The following ARHGAP17 variants were observed in gnomAD, a reference collection of about 807,000 sequenced individuals.
ARHGAP17 encodes the protein Rho GTPase activating protein 17.
In ARHGAP17, 57 loss-of-function variants were observed where a neutral mutation model predicts 99.5. That is an observed-to-expected ratio of 0.57 (90% CI 0.46 to 0.71). ARHGAP17 has a LOEUF of 0.71. Ranked by LOEUF, ARHGAP17 falls within the 30% of genes least tolerant of loss-of-function variation. The pLI is 0.00. For missense variants in ARHGAP17, 1,000 were observed against 1,122.4 expected, an observed-to-expected ratio of 0.89 and a Z score of 1.56; for synonymous variants, 417 against 429.6, an observed-to-expected ratio of 0.97 and a Z score of 0.36.
intron 1 of ARHGAP17, among the ~76,000 whole-genome samples, chr16:25,011,066 G>T (rs2053631573): frequency 6.6e-6 from 1 of 152,188 alleles, no homozygotes; most frequent in Admixed American, 6.5e-5. Flanking sequence ...CTTCATCCCA[G>T]TGTACTCCTT....
intron 14 of ARHGAP17, among the ~76,000 whole-genome samples, chr16:24,947,061 T>C (rs1279449762): frequency 2.6e-5 from 4 of 152,326 alleles, no homozygotes; most frequent in African/African-American, 9.6e-5. Flanking sequence ...CTGCTGGGCA[T>C]TAAAATGTAA....
chr16:24,979,820 C>T (rs1174681056), intron 1 of ARHGAP17, among the ~76,000 whole-genome samples: 1 of 152,114 alleles, frequency 6.6e-6, no homozygotes, highest in Non-Finnish European at 1.5e-5. Flanking sequence ...AAGCGATTCT[C>T]GTGCCTTAGC....
chr16:24,983,179 A>G (rs1284676001), intron 1 of ARHGAP17, among the ~76,000 whole-genome samples: 1 of 150,462 alleles, frequency 6.6e-6, no homozygotes, highest in Non-Finnish European at 1.5e-5. Flanking sequence ...TAATTTTTCT[A>G]TTTTTAGTAG....
chr16:25,000,859 G>A (rs2053342422), intron 1 of ARHGAP17, among the ~76,000 whole-genome samples: 1 of 152,208 alleles, frequency 6.6e-6, no homozygotes, highest in Admixed American at 6.5e-5. Flanking sequence ...AAGATCACCT[G>A]CCAACCTCAT....
chr16:24,951,042 T>C (rs1383848728), intron 12 of ARHGAP17, among the ~76,000 whole-genome samples: 7 of 151,732 alleles, frequency 4.6e-5, no homozygotes, highest in Non-Finnish European at 7.4e-5. Flanking sequence ...CTTCCCTTAG[T>C]GGTGAGGAGT....
At chr16:24,949,354 G>T in intron 13 of ARHGAP17, 50 bp downstream of exon 13, 1 of 1,429,696 alleles carries the variant, frequency 7.0e-7, no homozygotes, top group Non-Finnish European at 9.7e-7. Context: ...TCTCTGCTGG[G>T]CATTAAACTT....
chr16:24,931,039 G>T lies in ARHGAP17; in HGVS notation c.2260C>A (p.Pro754Thr). ...EHGLEQPSHT[P>T]PQTPTPPSTP... ...CTGGGGGGCGTTGGAGTCTGGGGAG[G>T]GGTGTGAGATGGCTGCTCAAGTCCA... The change falls in exon 19 of 20, where the codon CCT becomes ACT. Residue 754 changes from proline to threonine, a missense_variant. Pro to Thr is a conservative substitution (Grantham distance 38, BLOSUM62 -1). Around this residue, in one of 2 missense-constraint regions of ARHGAP17, gnomAD observed 528 missense variants for 511.4 expected, o/e 1.03. Coordinates refer to ENST00000289968, the MANE Select transcript of ARHGAP17 (RefSeq NM_001006634.3). The T allele has an allele frequency of 6.2e-7, 1 of 1,610,374 alleles. No homozygotes were observed. Among genetic ancestry groups the T allele is most frequent in the African/African-American group, 1.3e-5 (1 of 74,908 alleles).
At chr16:24,950,836 C>CAAAAAAAAAAAAAAG (rs2051614332) in intron 12 of ARHGAP17, among the ~76,000 whole-genome samples, 1 of 39,444 alleles carries the variant, frequency 2.5e-5, no homozygotes, top group African/African-American at 1.0e-4. Flanking sequence ...GACTCCAACT[C>CAAAAAAAAAAAAAAG]AAAAAAAAAA....
At chr16:24,939,272 T>G in intron 17 of ARHGAP17, 92 bp downstream of exon 17, 1 of 1,202,382 alleles carries the variant, frequency 8.3e-7, no homozygotes, top group African/African-American at 1.5e-5. Context: ...CTGGAGCAGT[T>G]CTTTGGGCAT....
intron 1 of ARHGAP17, among the ~76,000 whole-genome samples, chr16:24,995,711 C>T (rs1375323544): frequency 6.6e-6 from 1 of 151,990 alleles, no homozygotes. Context: ...TGAAGGACTG[C>T]GGAAAACACG....
chr16:24,939,883 T>C (rs915466733), intron 16 of ARHGAP17: 2 of 450,904 alleles, frequency 4.4e-6, no homozygotes, highest in Non-Finnish European at 8.1e-6. Context: ...ATCATGTTAG[T>C]GTGTTTATCC....
chr16:24,928,214 AT>A (rs1040581144), intron 19 of ARHGAP17, among the ~76,000 whole-genome samples: 2 of 152,240 alleles, frequency 1.3e-5, no homozygotes, highest in African/African-American at 4.8e-5. Flanking sequence ...AAAATTCTAA[AT>A]GTTGGCCTTC....
In ARHGAP17 at chr16:25,007,662, G is replaced by A. The variant is rs554825917; in HGVS notation, c.53+7547C>T. On this transcript the variant is annotated intron_variant, in intron 1 of 19. Coordinates refer to ENST00000289968, the MANE Select transcript of ARHGAP17 (RefSeq NM_001006634.3). The stretch of plus-strand genomic sequence containing the variant: ...ATTACAAGCATGGGCCACTGCACCC[G>A]GCTCACTGACAACTTTTCATACCAC... 1.1e-3 allele frequency among the ~76,000 whole-genome samples: 162 copies of A among 152,220 alleles called. 1 individual carries two copies. The highest frequency in any genetic ancestry group is 3.4e-3 in the African/African-American group (142 of 41,522).
intron 12 of ARHGAP17, among the ~76,000 whole-genome samples, 197 bp from the exon 13 acceptor site, chr16:24,949,681 C>T (rs2051576616): frequency 6.6e-6 from 1 of 152,192 alleles, no homozygotes; most frequent in African/African-American, 2.4e-5. Flanking sequence ...CCTTCAATCT[C>T]TGGATGTGCA....
At chr16:24,987,483 C>T (rs761316750) in intron 1 of ARHGAP17, among the ~76,000 whole-genome samples, 2 of 152,312 alleles carry the variant, frequency 1.3e-5, no homozygotes, top group East Asian at 1.9e-4. Context: ...GGGATTTCTA[C>T]GTTTTCCCAA....
At chr16:24,929,691 T>C (rs2050931479) in intron 19 of ARHGAP17, 1 of 984,514 alleles carries the variant, frequency 1.0e-6, no homozygotes, top group Non-Finnish European at 1.2e-6. Context: ...CAAACCAACA[T>C]GGCTTTGTTG....
At chr16:24,990,501 T>A (rs1366347908) in intron 1 of ARHGAP17, among the ~76,000 whole-genome samples, 1 of 150,924 alleles carries the variant, frequency 6.6e-6, no homozygotes, top group Admixed American at 6.6e-5. Context: ...AAAAAAAAAT[T>A]AAAACAATTA....
chr16:24,932,556 G>A (rs374118133), intron 18 of ARHGAP17, among the ~76,000 whole-genome samples: 83 of 152,204 alleles, frequency 5.5e-4, no homozygotes, highest in Non-Finnish European at 1.1e-3. Context: ...TTCTCCTTGA[G>A]AGTTTGATTG....
chr16:24,965,610 A>G (rs2052156344), intron 6 of ARHGAP17, among the ~76,000 whole-genome samples: 1 of 152,250 alleles, frequency 6.6e-6, no homozygotes, highest in Non-Finnish European at 1.5e-5. Context: ...AAAAGGCTTC[A>G]GCAAGTCAGC....
Sources: gnomAD v4.1 joint callset for allele counts (sites outside exome capture counted in the v4.1 genomes callset) on GRCh38, gnomAD v4.1.1 for gene constraint, gnomAD v4.1.1 regional missense constraint, MANE v1.5 for transcripts, NCBI Gene and HGNC (gene_info 2026-07-23, HGNC 2026-07-21) for gene names.